GSK3B: variants seen among roughly 807,000 people sequenced by gnomAD.
GSK3B encodes the protein glycogen synthase kinase-3 beta.
A neutral mutation model predicts 56.4 loss-of-function variants in GSK3B; 15 were observed. The ratio of observed to expected loss-of-function variants is 0.27; its 90% CI spans 0.18 to 0.41. The LOEUF is 0.41. Ranked by LOEUF, GSK3B falls within the 10% of genes least tolerant of loss-of-function variation. The pLI, the probability that GSK3B is intolerant of heterozygous loss-of-function variation, is 1.00. For missense variants in GSK3B, 300 were observed against 513.4 expected, an observed-to-expected ratio of 0.58 and a Z score of 4.02; for synonymous variants, 181 against 188.9, an observed-to-expected ratio of 0.96 and a Z score of 0.34.
chr3:119,984,532 T>C (rs1048983019), intron 2 of GSK3B, among the ~76,000 whole-genome samples: 16 of 151,896 alleles, frequency 1.1e-4, no homozygotes, highest in Non-Finnish European at 1.6e-4. Flanking sequence ...ATAAAGGGGA[T>C]ATCACCACCG....
chr3:119,931,694 G>A (rs1225033210), intron 3 of GSK3B, among the ~76,000 whole-genome samples: 1 of 152,102 alleles, frequency 6.6e-6, no homozygotes, highest in Admixed American at 6.5e-5. Flanking sequence ...AGTATCATTT[G>A]GGAGGCAGGA....
intron 2 of GSK3B, among the ~76,000 whole-genome samples, chr3:119,996,069 G>A (rs2057614965): frequency 6.6e-6 from 1 of 152,174 alleles, no homozygotes; most frequent in South Asian, 2.1e-4. Context: ...ATAAAAAGTA[G>A]CAAAAATCAA....
intron 3 of GSK3B, among the ~76,000 whole-genome samples, chr3:119,938,516 A>C (rs2057017445): frequency 6.6e-6 from 1 of 152,078 alleles, no homozygotes; most frequent in African/African-American, 2.4e-5. Context: ...ATGTTAATAA[A>C]ATGATGGAAA....
At position 120,001,780 on chromosome 3, in the gene GSK3B, A is replaced by G. The variant is rs74635957; in HGVS notation, c.282+266T>C. Reference sequence around the variant, plus strand: ...GTCACTTTTTATAGTATAAATTAAGAAATTTTAACTTACCTTTCACAGGAT... The same window carrying G: ...GTCACTTTTTATAGTATAAATTAAGGAATTTTAACTTACCTTTCACAGGAT... On this transcript the variant is annotated intron_variant, in intron 2 of 10. Coordinates refer to ENST00000264235, the MANE Select transcript of GSK3B (RefSeq NM_001146156.2). 3.3e-5 allele frequency among the ~76,000 whole-genome samples: 5 copies of G among 152,364 alleles called. No homozygotes were observed. The East Asian group carries it at 9.6e-4, about 29-fold the overall frequency.
chr3:120,033,478 A>G (rs539795253), intron 1 of GSK3B, among the ~76,000 whole-genome samples: 1 of 152,306 alleles, frequency 6.6e-6, no homozygotes, highest in South Asian at 2.1e-4. Flanking sequence ...CCTAACAAAC[A>G]TTGGTTATAA....
At chr3:119,938,581 T>C (rs1042878670) in intron 3 of GSK3B, among the ~76,000 whole-genome samples, 1 of 152,134 alleles carries the variant, frequency 6.6e-6, no homozygotes, top group Non-Finnish European at 1.5e-5. Context: ...TAAACTCCAA[T>C]TCCATTTCGT....
intron 1 of GSK3B, among the ~76,000 whole-genome samples, chr3:120,085,503 G>C (rs889392424): frequency 1.3e-5 from 2 of 152,188 alleles, no homozygotes; most frequent in Non-Finnish European, 2.9e-5. Context: ...CTTCAACACA[G>C]GTCATGAAGA....
intron 2 of GSK3B, among the ~76,000 whole-genome samples, chr3:119,981,908 C>A (rs111992203): frequency 6.6e-6 from 1 of 152,208 alleles, no homozygotes. Context: ...GTCCCTGACC[C>A]CCGTATAGCC....
intron 3 of GSK3B, among the ~76,000 whole-genome samples, chr3:119,945,856 TAAC>T (rs761653694): frequency 7.9e-5 from 12 of 151,824 alleles, no homozygotes; most frequent in South Asian, 2.1e-4. Context: ...ATGTATCTAG[TAAC>T]AACAACAACA....
chr3:119,930,629 G>A (rs543774086), intron 3 of GSK3B, among the ~76,000 whole-genome samples: 2 of 152,268 alleles, frequency 1.3e-5, no homozygotes, highest in South Asian at 4.1e-4. Flanking sequence ...AAATCAAAGT[G>A]TCAATGTATT....
intron 8 of GSK3B, among the ~76,000 whole-genome samples, chr3:119,871,098 T>C (rs530547302): frequency 6.6e-6 from 1 of 152,356 alleles, no homozygotes; most frequent in South Asian, 2.1e-4. Context: ...GGAAAAACTG[T>C]AGCATTATGG....
intron 1 of GSK3B, among the ~76,000 whole-genome samples, chr3:120,048,379 T>C (rs2058120602): frequency 6.6e-6 from 1 of 152,232 alleles, no homozygotes; most frequent in Admixed American, 6.5e-5. Context: ...TGCATTCAAA[T>C]TGTTCCAAGA....
intron 1 of GSK3B, among the ~76,000 whole-genome samples, chr3:120,004,430 C>T (rs913114409): frequency 2.0e-5 from 3 of 152,182 alleles, no homozygotes; most frequent in Non-Finnish European, 2.9e-5. Flanking sequence ...CCCAGCATGG[C>T]GTTTCAGCTC....
intron 7 of GSK3B, among the ~76,000 whole-genome samples, chr3:119,890,858 AT>A (rs1249554649): frequency 6.6e-6 from 1 of 152,050 alleles, no homozygotes; most frequent in Non-Finnish European, 1.5e-5. Flanking sequence ...AAGTATCAGA[AT>A]CTGTCAAACC....
chr3:119,907,735 C>T (rs2056696666), intron 6 of GSK3B, among the ~76,000 whole-genome samples: 1 of 152,108 alleles, frequency 6.6e-6, no homozygotes, highest in South Asian at 2.1e-4. Flanking sequence ...ACACTTATTT[C>T]ATAGATAAGG....
chr3:119,826,427 T>C lies in GSK3B; in HGVS notation c.*361A>G, dbSNP rs2055506397. The C allele has an allele frequency of 2.3e-6, 1 of 438,456 alleles. No homozygotes were observed. The highest frequency in any genetic ancestry group is 2.3e-5 in the South Asian group (1 of 43,566). The allele number at this position is 438,456 out of a possible 1,614,324, so 27.2% of individuals were successfully genotyped here. The stretch of plus-strand genomic sequence containing the variant: ...CCCATCAGCACAGAAAAAGGTTTTC[T>C]TCTTTTGTGGAAGGGGCATGAGGCA... On this transcript the variant is annotated 3_prime_UTR_variant, in exon 11 of 11. Transcript: ENST00000264235.
At chr3:119,894,194 T>C (rs2056536242) in intron 7 of GSK3B, among the ~76,000 whole-genome samples, 1 of 152,130 alleles carries the variant, frequency 6.6e-6, no homozygotes. Flanking sequence ...AAATTTTATT[T>C]GTTCCTTTTT....
At chr3:120,079,211 G>A (rs2058393731) in intron 1 of GSK3B, among the ~76,000 whole-genome samples, 1 of 150,064 alleles carries the variant, frequency 6.7e-6, no homozygotes, top group Admixed American at 6.7e-5. Flanking sequence ...CTCTGGGAGG[G>A]ATTACAGACA....
At chr3:120,086,445 TA>T (rs929600944) in intron 1 of GSK3B, among the ~76,000 whole-genome samples, 3 of 152,204 alleles carry the variant, frequency 2.0e-5, no homozygotes, top group Non-Finnish European at 4.4e-5. Flanking sequence ...TTATGTAGTT[TA>T]TGCAGAAGCC....
Sources: gnomAD v4.1 joint callset for allele counts (sites outside exome capture counted in the v4.1 genomes callset) on GRCh38, gnomAD v4.1.1 for gene constraint, MANE v1.5 for transcripts, NCBI Gene and HGNC (gene_info 2026-07-23, HGNC 2026-07-21) for gene names.